ASTN2: variants seen among roughly 807,000 people sequenced by gnomAD.
ASTN2 encodes the protein astrotactin-2.
In ASTN2, 54 loss-of-function variants were observed where a neutral mutation model predicts 139.8. The ratio of observed to expected loss-of-function variants is 0.39; its 90% CI spans 0.31 to 0.48. The LOEUF is 0.48. Among genes scored for constraint, ASTN2 ranks in the 20% least tolerant of loss-of-function variants. The probability of loss-of-function intolerance (pLI) is 0.95; values close to 1 mark genes in which losing one functional copy is unlikely to be tolerated. For synonymous variants in ASTN2, 756 were observed against 719.5 expected, an observed-to-expected ratio of 1.05 and a Z score of -0.81; for missense variants, 1,565 against 1,725.1, an observed-to-expected ratio of 0.91 and a Z score of 1.64.
intron 1 of ASTN2, among the ~76,000 whole-genome samples, chr9:117,305,211 C>G (rs933980130): frequency 6.6e-6 from 1 of 152,194 alleles, no homozygotes; most frequent in African/African-American, 2.4e-5. Context: ...TTTCTTTGAG[C>G]CTGTCTTCTC....
At chr9:116,911,524 T>C (rs1326661658) in intron 10 of ASTN2, among the ~76,000 whole-genome samples, 1 of 152,124 alleles carries the variant, frequency 6.6e-6, no homozygotes, top group Non-Finnish European at 1.5e-5. Context: ...TCAAATAAGG[T>C]CTGGAATTTA....
chr9:117,019,867 C>G (rs1456213899), intron 6 of ASTN2, among the ~76,000 whole-genome samples: 1 of 152,076 alleles, frequency 6.6e-6, no homozygotes, highest in African/African-American at 2.4e-5. Context: ...GACAACAATA[C>G]CTAACATATA....
chr9:116,571,072 G>T (rs1240716361), intron 19 of ASTN2, among the ~76,000 whole-genome samples: 1 of 152,182 alleles, frequency 6.6e-6, no homozygotes, highest in Admixed American at 6.5e-5. Context: ...ATGAGATGGG[G>T]AAGATTGGAG....
chr9:116,905,868 G>GT (rs1564333925), intron 10 of ASTN2, among the ~76,000 whole-genome samples: 20 of 138,592 alleles, frequency 1.4e-4, no homozygotes, highest in African/African-American at 6.0e-4. Context: ...TTTTTTTTTG[G>GT]GGGGGGGTGC....
intron 19 of ASTN2, among the ~76,000 whole-genome samples, chr9:116,609,127 G>A (rs1031845159): frequency 1.8e-4 from 28 of 151,822 alleles, no homozygotes; most frequent in African/African-American, 6.5e-4. Flanking sequence ...CATGTTGTTG[G>A]AGGAAAAGAA....
intron 3 of ASTN2, among the ~76,000 whole-genome samples, chr9:117,204,641 A>C (rs1195828358): frequency 1.3e-5 from 2 of 152,220 alleles, no homozygotes; most frequent in African/African-American, 4.8e-5. Context: ...GTTGAGGAAG[A>C]TAACTGATGT....
At chr9:117,201,678 A>C (rs1352103240) in intron 3 of ASTN2, among the ~76,000 whole-genome samples, 3 of 152,120 alleles carry the variant, frequency 2.0e-5, no homozygotes, top group African/African-American at 7.2e-5. Context: ...CTGAGTTCTA[A>C]TTTGATTGCA....
intron 10 of ASTN2, among the ~76,000 whole-genome samples, chr9:116,906,823 C>T (rs572076163): frequency 2.0e-5 from 3 of 151,892 alleles, no homozygotes; most frequent in Admixed American, 6.6e-5. Flanking sequence ...AGCAAAATAC[C>T]GCAATTACTT....
chr9:116,879,885 A>G (rs1174961342), intron 10 of ASTN2, among the ~76,000 whole-genome samples: 1 of 152,230 alleles, frequency 6.6e-6, no homozygotes, highest in Non-Finnish European at 1.5e-5. Flanking sequence ...GATGAAGCCT[A>G]TGAAGCCTAT....
chr9:117,054,023 TA>T (rs1838987310), intron 5 of ASTN2, among the ~76,000 whole-genome samples: 1 of 132,876 alleles, frequency 7.5e-6, no homozygotes, highest in Non-Finnish European at 1.6e-5. Flanking sequence ...TAAGAGAGGA[TA>T]AAAAAAGAAA....
intron 1 of ASTN2, among the ~76,000 whole-genome samples, chr9:117,312,879 G>GT (rs989540676): frequency 6.6e-6 from 1 of 151,730 alleles, no homozygotes; most frequent in African/African-American, 2.4e-5. Context: ...CAACAAAACC[G>GT]TAAAAAAAAC....
At chr9:116,787,365 T>C (rs958590865) in intron 13 of ASTN2, among the ~76,000 whole-genome samples, 3 of 152,238 alleles carry the variant, frequency 2.0e-5, no homozygotes, top group Non-Finnish European at 4.4e-5. Context: ...TTATAAAGTT[T>C]CTTGCCAGTT....
intron 2 of ASTN2, among the ~76,000 whole-genome samples, chr9:117,271,319 T>C (rs938545609): frequency 6.6e-6 from 1 of 152,166 alleles, no homozygotes; most frequent in East Asian, 1.9e-4. Context: ...GAGAATACCA[T>C]GGGAAAGACC....
chr9:116,723,237 C>T (rs1292857013), intron 16 of ASTN2, among the ~76,000 whole-genome samples: 3 of 152,112 alleles, frequency 2.0e-5, no homozygotes, highest in African/African-American at 2.4e-5. Flanking sequence ...TCAGCCAATG[C>T]CCACAATTTT....
At chr9:117,355,417 T>C (rs1829512624) in intron 1 of ASTN2, among the ~76,000 whole-genome samples, 1 of 152,206 alleles carries the variant, frequency 6.6e-6, no homozygotes, top group South Asian at 2.1e-4. Context: ...CCTACCTTAC[T>C]CTTTCAGTAA....
At chr9:116,732,428 A>C (rs954984771) in intron 14 of ASTN2, among the ~76,000 whole-genome samples, 2 of 152,254 alleles carry the variant, frequency 1.3e-5, no homozygotes, top group East Asian at 3.9e-4. Context: ...AGTGATGGGG[A>C]AGTCAGACAG....
intron 1 of ASTN2, among the ~76,000 whole-genome samples, chr9:117,310,505 T>C (rs1311289636): frequency 6.6e-6 from 1 of 152,186 alleles, no homozygotes; most frequent in Non-Finnish European, 1.5e-5. Flanking sequence ...AGAAATGTCA[T>C]GGAGTTTTAA....
chr9:116,634,494 G>A (rs1856965132), intron 17 of ASTN2, among the ~76,000 whole-genome samples: 1 of 150,454 alleles, frequency 6.6e-6, no homozygotes, highest in South Asian at 2.1e-4. Flanking sequence ...GAAGGCTGAG[G>A]CAGGAGAATG....
intron 5 of ASTN2, among the ~76,000 whole-genome samples, chr9:117,060,996 G>A (rs1839273496): frequency 6.6e-6 from 1 of 152,080 alleles, no homozygotes; most frequent in Non-Finnish European, 1.5e-5. Flanking sequence ...CAGGTTTTTT[G>A]TTTTGTTTTT....
Sources: gnomAD v4.1 joint callset for allele counts (sites outside exome capture counted in the v4.1 genomes callset) on GRCh38, gnomAD v4.1.1 for gene constraint, MANE v1.5 for transcripts, NCBI Gene and HGNC (gene_info 2026-07-23, HGNC 2026-07-21) for gene names.